FSD1L: variants seen among roughly 807,000 people sequenced by gnomAD.
FSD1L encodes FSD1-like protein.
Under a neutral mutation model 71.6 loss-of-function variants are expected in FSD1L, and 45 were observed. That is an observed-to-expected ratio of 0.63 (90% CI 0.49 to 0.81). FSD1L has a LOEUF of 0.81. Among genes scored for constraint, FSD1L ranks in the 30% least tolerant of loss-of-function variants. The pLI, the probability that FSD1L is intolerant of heterozygous loss-of-function variation, is 0.00. For synonymous variants in FSD1L, 197 were observed against 207.2 expected (o/e 0.95, Z 0.42); for missense variants, 561 against 618.1 (o/e 0.91, Z 0.98).
At chr9:105,539,208 TTAAA>T in intron 12 of FSD1L, 51 bp from the exon 13 acceptor site, 2 of 826,138 alleles carry the variant, frequency 2.4e-6, no homozygotes, top group Non-Finnish European at 3.7e-6. Context: ...TTAGAATTAA[TTAAA>T]TGTTACAATT....
Position 105,524,165 on chromosome 9 carries a change from A to G in FSD1L, c.1026-10328A>G, listed in dbSNP as rs575126600. ...GTTTAGGTATTTGGATTTGTGAAGA[A>G]CTAGTCCATGAGTCTCATCATCCTC... On this transcript the variant is annotated intron_variant, in intron 10 of 13. Transcript: ENST00000481272. 2.4e-5 allele frequency: 39 copies of G among 1,612,266 alleles called. No individual in the cohort carries two copies. The East Asian group carries it at 8.2e-4, about 34-fold the overall frequency.
At chr9:105,524,674 A>G in intron 10 of FSD1L, 1 of 1,613,984 alleles carries the variant, frequency 6.2e-7, no homozygotes, top group Non-Finnish European at 8.5e-7. Context: ...AAAGAGCCTG[A>G]GCCTCTGCGC....
At chr9:105,461,659 G>C in intron 2 of FSD1L, 44 bp downstream of exon 2, 1 of 1,181,174 alleles carries the variant, frequency 8.5e-7, no homozygotes, top group Non-Finnish European at 1.2e-6. Flanking sequence ...TTGAAGATCT[G>C]ATTCAAAATT....
chr9:105,454,326 A>G (rs979542813), intron 1 of FSD1L, among the ~76,000 whole-genome samples: 1 of 152,178 alleles, frequency 6.6e-6, no homozygotes, highest in East Asian at 1.9e-4. Context: ...ATTCTTTTGT[A>G]TGCATGTTTT....
At chr9:105,470,319 T>C (rs1358282454) in intron 4 of FSD1L, among the ~76,000 whole-genome samples, 2 of 152,206 alleles carry the variant, frequency 1.3e-5, no homozygotes, top group African/African-American at 2.4e-5. Flanking sequence ...AGTGATTACA[T>C]TGAATTTATA....
At chr9:105,467,089 C>G (rs1421181567) in intron 3 of FSD1L, among the ~76,000 whole-genome samples, 1 of 152,146 alleles carries the variant, frequency 6.6e-6, no homozygotes, top group Non-Finnish European at 1.5e-5. Context: ...TAAGGTCATG[C>G]TGTTACTGAG....
At position 105,448,211 on chromosome 9, in the gene FSD1L, G is replaced by T. The variant is rs1829744017; in HGVS notation, c.-10G>T. The T allele has an allele frequency of 6.5e-7, 1 of 1,532,718 alleles. No homozygotes were observed. Among genetic ancestry groups the T allele is most frequent in the Non-Finnish European group, 8.8e-7 (1 of 1,137,600 alleles). The allele number at this position is 1,532,718 out of a possible 1,614,324, so 94.9% of individuals were successfully genotyped here. A position where few individuals can be genotyped will look rare whatever the true frequency, so the allele number is the denominator to read the frequency against. On this transcript the variant is annotated 5_prime_UTR_variant, in exon 1 of 14. Coordinates refer to ENST00000481272, the MANE Select transcript of FSD1L (RefSeq NM_001145313.3). Reference sequence around the variant, plus strand: ...CTCGGGTTCGAGCCCAGTGGGCTTAGCCACTCGCCATGGACTCCCAGAAAG... The same window carrying T: ...CTCGGGTTCGAGCCCAGTGGGCTTATCCACTCGCCATGGACTCCCAGAAAG...
At chr9:105,530,679 C>CT in intron 10 of FSD1L, 1 of 589,112 alleles carries the variant, frequency 1.7e-6, no homozygotes, top group Non-Finnish European at 3.0e-6. Flanking sequence ...AGCAGACACT[C>CT]TGACCACCAG....
At chr9:105,444,179 C>G (rs1483435823), upstream of FSD1L, among the ~76,000 whole-genome samples, 1 of 152,290 alleles carries the variant, frequency 6.6e-6, no homozygotes, top group Non-Finnish European at 1.5e-5. Context: ...AAGGGTAAAA[C>G]AGAAGGACAT....
At chr9:105,544,943 G>GT (rs1184100143) in intron 13 of FSD1L, among the ~76,000 whole-genome samples, 1 of 152,158 alleles carries the variant, frequency 6.6e-6, no homozygotes, top group East Asian at 1.9e-4. Flanking sequence ...CTTTAAAGTA[G>GT]TTTTTTCCCA....
intron 7 of FSD1L, among the ~76,000 whole-genome samples, chr9:105,492,634 T>C (rs1184489861): frequency 6.6e-6 from 1 of 152,200 alleles, no homozygotes. Flanking sequence ...CTTGTGGGCA[T>C]TTAGTGTTAT....
In FSD1L at chr9:105,520,278, C is replaced by A. The variant is rs547346434; in HGVS notation, c.1025+7342C>A. 3 of 1,571,746 alleles carry A rather than the reference C, an allele frequency of 1.9e-6. No homozygotes were observed. The East Asian group carries it at 6.7e-5, about 35-fold the overall frequency. On this transcript the variant is annotated intron_variant, in intron 10 of 13. Transcript: ENST00000481272. ...TGAAGAAGATGCATTCATCCAGATG[C>A]CTGAATCCTAGTTCAGAGTTTATCT...
intron 10 of FSD1L, chr9:105,520,641 C>A: frequency 6.2e-7 from 1 of 1,610,064 alleles, no homozygotes; most frequent in Non-Finnish European, 8.5e-7. Flanking sequence ...GGAAGGTGTT[C>A]GTCTTTTCTT....
chr9:105,516,199 T>G (rs1834707593), intron 10 of FSD1L, among the ~76,000 whole-genome samples: 1 of 152,178 alleles, frequency 6.6e-6, no homozygotes, highest in Non-Finnish European at 1.5e-5. Context: ...AGTCAGGGAC[T>G]TATAGATAAA....
At chr9:105,541,472 G>A (rs779927068) in intron 13 of FSD1L, among the ~76,000 whole-genome samples, 1 of 151,894 alleles carries the variant, frequency 6.6e-6, no homozygotes, top group Non-Finnish European at 1.5e-5. Context: ...TCTCATGTAT[G>A]TATGTACTGA....
At chr9:105,447,058 C>A (rs1282002985), upstream of FSD1L, among the ~76,000 whole-genome samples, 1 of 151,938 alleles carries the variant, frequency 6.6e-6, no homozygotes, top group Non-Finnish European at 1.5e-5. Context: ...GCCCTGTAAC[C>A]CACACCTGTA....
chr9:105,473,741 A>G (rs575374954), intron 5 of FSD1L, among the ~76,000 whole-genome samples: 3 of 152,340 alleles, frequency 2.0e-5, no homozygotes, highest in South Asian at 2.1e-4. Flanking sequence ...TGGAAAAACT[A>G]TGATAAAAGT....
intron 1 of FSD1L, among the ~76,000 whole-genome samples, chr9:105,453,375 G>A (rs2131573912): frequency 6.6e-6 from 1 of 152,188 alleles, no homozygotes; most frequent in African/African-American, 2.4e-5. Flanking sequence ...TGGAGATGGG[G>A]TTTTGCCATG....
chr9:105,489,894 C>T (rs537575861), intron 7 of FSD1L, among the ~76,000 whole-genome samples: 2 of 152,296 alleles, frequency 1.3e-5, no homozygotes, highest in East Asian at 1.9e-4. Flanking sequence ...TTTCTTAATC[C>T]AGTCTATCAT....
Sources: allele counts gnomAD v4.1 joint callset (sites outside exome capture counted in the v4.1 genomes callset), GRCh38; gene constraint gnomAD v4.1.1; transcripts MANE v1.5; gene names NCBI Gene and HGNC (gene_info 2026-07-23, HGNC 2026-07-21).